ACTR3C: variants seen among roughly 807,000 people sequenced by gnomAD.
The protein encoded by ACTR3C is actin-related protein 3C.
In ACTR3C, 18 loss-of-function variants were observed where a neutral mutation model predicts 26.3. The observed-to-expected ratio is 0.68, with a 90% confidence interval of 0.47 to 1.01. The LOEUF (loss-of-function observed/expected upper bound fraction) is 1.01, where lower values mean the gene tolerates loss of function less well. ACTR3C is among the 50% of genes least tolerant of loss of function. The pLI, the probability that ACTR3C is intolerant of heterozygous loss-of-function variation, is 0.00. For synonymous variants in ACTR3C, 55 were observed against 94.5 expected, an observed-to-expected ratio of 0.58 and a Z score of 2.42; for missense variants, 184 against 250.7, an observed-to-expected ratio of 0.73 and a Z score of 1.80.
chr7:150,317,535 T>G (rs949780976), intron 1 of ACTR3C, among the ~76,000 whole-genome samples: 27 of 152,370 alleles, frequency 1.8e-4, no homozygotes, highest in African/African-American at 5.3e-4. Flanking sequence ...TAATTTTACC[T>G]ATTTTCCAGT....
the ACTR3C span, among the ~76,000 whole-genome samples, chr7:149,922,893 C>T: frequency 7.4e-5 from 11 of 148,002 alleles, 3 homozygotes; most frequent in South Asian, 2.4e-3. Context: ...CAATACAGGT[C>T]CAATGCAACA....
intron 1 of ACTR3C, among the ~76,000 whole-genome samples, chr7:150,320,802 C>G (rs2129617695): frequency 6.6e-6 from 1 of 152,296 alleles, no homozygotes; most frequent in Non-Finnish European, 1.5e-5. Flanking sequence ...TTTCCATTAA[C>G]TTGTTTCCTC....
At chr7:149,996,802 G>C in the ACTR3C span, among the ~76,000 whole-genome samples, 3 of 150,844 alleles carry the variant, frequency 2.0e-5, no homozygotes, top group East Asian at 1.9e-4. Context: ...ACTTGCAGGG[G>C]CTGGGCCAGA....
the ACTR3C span, among the ~76,000 whole-genome samples, chr7:150,200,752 A>G: frequency 6.6e-6 from 1 of 152,148 alleles, no homozygotes; most frequent in South Asian, 2.1e-4. Flanking sequence ...TAGGCAAGTT[A>G]CTTAATATCT....
the ACTR3C span, among the ~76,000 whole-genome samples, chr7:150,025,036 C>CATGGATAAGCA: frequency 4.0e-5 from 6 of 151,728 alleles, no homozygotes; most frequent in Non-Finnish European, 8.8e-5. Flanking sequence ...AAACTAACAC[C>CATGGATAAGCA]ATGGATAAGC....
At chr7:149,883,861 G>A in the ACTR3C span, among the ~76,000 whole-genome samples, 47 of 152,244 alleles carry the variant, frequency 3.1e-4, 1 homozygote, top group South Asian at 7.3e-3. Flanking sequence ...GAGCTCTGTC[G>A]TTCTCCACTC....
chr7:150,295,316 C>G lies in ACTR3C; in HGVS notation c.-20G>C, dbSNP rs2129613452. ...GAACATAATTTCTGCAAGATACTCT[C>G]TGTTTTCTGGTGTATTGAGTGGAGG... On this transcript the variant is annotated 5_prime_UTR_variant, in exon 2 of 8. Transcript: ENST00000683684. The G allele has an allele frequency of 6.2e-7, 1 of 1,614,032 alleles. No homozygotes were observed. Among genetic ancestry groups the G allele is most frequent in the Middle Eastern group, 1.7e-4 (1 of 6,056 alleles).
At chr7:150,244,349 G>A (rs1434057429), downstream of ACTR3C, 2 of 149,456 alleles carry the variant, frequency 1.3e-5, no homozygotes, top group African/African-American at 2.5e-5. Context: ...ATTCAATATA[G>A]TCTTAGAAAT....
At chr7:150,062,368 G>T in the ACTR3C span, 2 of 80,410 alleles carry the variant, frequency 2.5e-5, no homozygotes, top group African/African-American at 1.1e-4. Flanking sequence ...GCTCCTTCCA[G>T]ACAGACAGGC....
chr7:149,895,505 AAC>A, the ACTR3C span, among the ~76,000 whole-genome samples: 2 of 152,202 alleles, frequency 1.3e-5, no homozygotes, highest in Admixed American at 6.5e-5. Context: ...ACACGATAAA[AAC>A]ACACAATGTT....
chr7:150,033,804 A>G, the ACTR3C span, among the ~76,000 whole-genome samples: 9 of 150,934 alleles, frequency 6.0e-5, no homozygotes, highest in African/African-American at 1.7e-4. Flanking sequence ...CCAGGGGGGG[A>G]AGAGGGACTG....
the ACTR3C span, among the ~76,000 whole-genome samples, chr7:150,132,103 G>A: frequency 6.6e-6 from 1 of 152,210 alleles, no homozygotes; most frequent in Non-Finnish European, 1.5e-5. Flanking sequence ...GTCCTAGTGG[G>A]CTTAGCAATG....
At chr7:150,107,835 C>A in the ACTR3C span, among the ~76,000 whole-genome samples, 152 of 151,820 alleles carry the variant, frequency 1.0e-3, 6 homozygotes, top group South Asian at 0.03. Context: ...ATTTCAGGGA[C>A]AGAATGGGCC....
the ACTR3C span, among the ~76,000 whole-genome samples, chr7:150,030,372 T>C: frequency 6.6e-6 from 1 of 150,518 alleles, no homozygotes; most frequent in South Asian, 2.1e-4. Context: ...AAGTGGCTAT[T>C]GGATTGGATG....
chr7:150,110,728 T>G, the ACTR3C span, among the ~76,000 whole-genome samples: 1 of 127,176 alleles, frequency 7.9e-6, no homozygotes, highest in Admixed American at 8.6e-5. Flanking sequence ...GGGTGGGGCT[T>G]AGAAGGGCCA....
the ACTR3C span, among the ~76,000 whole-genome samples, chr7:150,030,846 T>C: frequency 2.8e-3 from 431 of 152,238 alleles, 8 homozygotes; most frequent in African/African-American, 9.9e-3. Context: ...CCCCTCAGCT[T>C]GGTGGGTGTT....
At chr7:149,905,227 T>C in the ACTR3C span, among the ~76,000 whole-genome samples, 2 of 152,100 alleles carry the variant, frequency 1.3e-5, no homozygotes, top group African/African-American at 4.8e-5. Flanking sequence ...ATGGAACGTA[T>C]GGAACACAGA....
chr7:149,950,078 C>T, the ACTR3C span, among the ~76,000 whole-genome samples: 1 of 149,838 alleles, frequency 6.7e-6, no homozygotes, highest in Non-Finnish European at 1.5e-5. Flanking sequence ...TTGCTCCCTC[C>T]ACCCCACTCC....
the ACTR3C span, among the ~76,000 whole-genome samples, chr7:149,947,000 C>T: frequency 8.6e-5 from 13 of 151,258 alleles, no homozygotes; most frequent in Non-Finnish European, 1.6e-4. Context: ...GGAACTTTCC[C>T]GGTGGTCTGA....
Sources: gnomAD v4.1 joint callset for allele counts (sites outside exome capture counted in the v4.1 genomes callset) on GRCh38, gnomAD v4.1.1 for gene constraint, MANE v1.5 for transcripts, NCBI Gene and HGNC (gene_info 2026-07-23, HGNC 2026-07-21) for gene names.